The following ESRRG variants were observed in gnomAD, a reference collection of about 807,000 sequenced individuals.
The protein encoded by ESRRG is estrogen-related receptor gamma.
A neutral mutation model predicts 44.0 loss-of-function variants in ESRRG; 13 were observed. The observed-to-expected ratio is 0.30, with a 90% CI of 0.19 to 0.47. The LOEUF (loss-of-function observed/expected upper bound fraction) is 0.47. ESRRG is among the 20% of genes least tolerant of loss of function. The pLI, the probability that ESRRG is intolerant of heterozygous loss-of-function variation, is 1.00. For synonymous variants in ESRRG, 215 were observed against 214.6 expected, an observed-to-expected ratio of 1.00 and a Z score of -0.02; for missense variants, 395 against 580.6, an observed-to-expected ratio of 0.68 and a Z score of 3.29.
At chr1:216,888,036 T>A (rs2057267729) in intron 2 of ESRRG, among the ~76,000 whole-genome samples, 1 of 152,030 alleles carries the variant, frequency 6.6e-6, no homozygotes, top group Admixed American at 6.6e-5. Flanking sequence ...AAACAACTAA[T>A]TTTGTCTTCT....
chr1:216,696,337 T>C (rs898126684), intron 1 of ESRRG, among the ~76,000 whole-genome samples: 1 of 152,194 alleles, frequency 6.6e-6, no homozygotes, highest in South Asian at 2.1e-4. Context: ...CAACTTAATA[T>C]GTCAACTGTA....
At chr1:216,663,994 T>C (rs1196432957) in intron 2 of ESRRG, among the ~76,000 whole-genome samples, 1 of 152,140 alleles carries the variant, frequency 6.6e-6, no homozygotes, top group Non-Finnish European at 1.5e-5. Context: ...AAAAATGAAT[T>C]GCAAAGCGTT....
At chr1:216,907,236 G>C (rs916334255) in intron 2 of ESRRG, among the ~76,000 whole-genome samples, 1 of 152,140 alleles carries the variant, frequency 6.6e-6, no homozygotes, top group Non-Finnish European at 1.5e-5. Context: ...GTGAAGGAAG[G>C]AAAAGCCATT....
intron 5 of ESRRG, among the ~76,000 whole-genome samples, chr1:216,533,615 C>T (rs2050055238): frequency 6.6e-6 from 1 of 152,136 alleles, no homozygotes; most frequent in African/African-American, 2.4e-5. Flanking sequence ...TCTTTTACTC[C>T]CATTCTTTTT....
chr1:216,684,277 T>G (rs1000329186), intron 1 of ESRRG, among the ~76,000 whole-genome samples: 1 of 152,228 alleles, frequency 6.6e-6, no homozygotes, highest in African/African-American at 2.4e-5. Flanking sequence ...ATAAACTTTA[T>G]TAATGGGAAA....
At chr1:216,514,959 T>TACACACAC (rs35668576) in intron 6 of ESRRG, among the ~76,000 whole-genome samples, 2,937 of 149,246 alleles carry the variant, frequency 0.02, 42 homozygotes, top group African/African-American at 0.04. Context: ...TTTTACTTTA[T>TACACACAC]ACACACACAC....
At chr1:217,040,043 C>G (rs2083561789) in intron 1 of ESRRG, among the ~76,000 whole-genome samples, 1 of 152,154 alleles carries the variant, frequency 6.6e-6, no homozygotes, top group African/African-American at 2.4e-5. Context: ...GAGAATGAGA[C>G]AGAGAGTGTG....
At chr1:216,873,885 AGGG>A (rs2096298300) in intron 2 of ESRRG, among the ~76,000 whole-genome samples, 2 of 17,974 alleles carry the variant, frequency 1.1e-4, no homozygotes, top group Non-Finnish European at 2.0e-4. Flanking sequence ...AAGGGAGGGA[AGGG>A]AAGGGAAGGG....
intron 1 of ESRRG, among the ~76,000 whole-genome samples, chr1:217,086,799 C>A (rs1180561515): frequency 1.3e-5 from 2 of 152,194 alleles, no homozygotes; most frequent in Non-Finnish European, 2.9e-5. Context: ...ATCCCCTTTA[C>A]TAGGATAATG....
chr1:216,831,022 G>A (rs1461398231), intron 2 of ESRRG, among the ~76,000 whole-genome samples: 2 of 151,996 alleles, frequency 1.3e-5, no homozygotes, highest in Admixed American at 6.6e-5. Flanking sequence ...GGGGCAAGGT[G>A]GGGAGGTTGG....
intron 2 of ESRRG, among the ~76,000 whole-genome samples, chr1:216,667,979 C>T (rs886197087): frequency 1.3e-5 from 2 of 151,664 alleles, no homozygotes; most frequent in South Asian, 4.2e-4. Flanking sequence ...CACCTGTAAT[C>T]CCAGCCACTC....
intron 1 of ESRRG, among the ~76,000 whole-genome samples, chr1:217,025,454 T>A (rs140533554): frequency 1.3e-5 from 2 of 152,338 alleles, no homozygotes; most frequent in African/African-American, 4.8e-5. Context: ...TGGTTCTAAC[T>A]TCTAGGGTAA....
intron 1 of ESRRG, among the ~76,000 whole-genome samples, chr1:216,994,371 C>A (rs781165966): frequency 6.6e-6 from 1 of 152,168 alleles, no homozygotes; most frequent in Non-Finnish European, 1.5e-5. Flanking sequence ...AAAGGAGACC[C>A]TCCCAGTGAT....
intron 3 of ESRRG, among the ~76,000 whole-genome samples, chr1:216,614,215 C>T (rs866764020): frequency 3.3e-4 from 51 of 152,358 alleles, no homozygotes; most frequent in African/African-American, 1.2e-3. Flanking sequence ...AGATGGAGGG[C>T]CTTCCGCTCC....
chr1:216,827,678 CA>C (rs2095420608), intron 2 of ESRRG, among the ~76,000 whole-genome samples: 1 of 152,002 alleles, frequency 6.6e-6, no homozygotes, highest in South Asian at 2.1e-4. Context: ...GTCAAATGTA[CA>C]AATGAAAGAA....
In ESRRG at chr1:217,023,016, A is replaced by G. The variant is rs1431248165; in HGVS notation, c.-106+66491T>C. On this transcript the variant is annotated intron_variant, in intron 1 of 7. Transcript: ENST00000359162. The stretch of plus-strand genomic sequence containing the variant: ...ACATTTCTGAAAACTAATCTAGTGT[A>G]GAGGCACAGAAAATAGCCAAATCAG... Among the ~76,000 whole-genome samples, 3 of 152,208 alleles carry G rather than the reference A, an allele frequency of 2.0e-5. No homozygotes were observed. The East Asian group carries it at 5.8e-4, about 29-fold the overall frequency.
chr1:217,021,980 A>T (rs980895438), intron 1 of ESRRG, among the ~76,000 whole-genome samples: 7 of 152,144 alleles, frequency 4.6e-5, no homozygotes, highest in African/African-American at 1.4e-4. Context: ...GATACTGCAA[A>T]AAGTTGTTAA....
intron 5 of ESRRG, among the ~76,000 whole-genome samples, chr1:216,522,688 C>T (rs1042063932): frequency 6.6e-5 from 10 of 152,050 alleles, no homozygotes; most frequent in Non-Finnish European, 7.4e-5. Flanking sequence ...GTACTAGCTA[C>T]GTTGCACATA....
intron 1 of ESRRG, among the ~76,000 whole-genome samples, chr1:216,961,964 AC>A (rs1252079763): frequency 6.6e-6 from 1 of 152,206 alleles, no homozygotes; most frequent in Admixed American, 6.6e-5. Flanking sequence ...GATTCTTGTT[AC>A]AGGATCATTA....
Sources: allele counts gnomAD v4.1 joint callset (sites outside exome capture counted in the v4.1 genomes callset), GRCh38; gene constraint gnomAD v4.1.1; transcripts MANE v1.5; gene names NCBI Gene and HGNC (gene_info 2026-07-23, HGNC 2026-07-21).